COX11: variants seen among roughly 807,000 people sequenced by gnomAD.
COX11 encodes cytochrome c oxidase copper chaperone COX11, also known as cytochrome c oxidase assembly protein COX11, mitochondrial.
In COX11, 18 loss-of-function variants were observed where a neutral mutation model predicts 29.4. The observed-to-expected ratio is 0.61, with a 90% CI of 0.42 to 0.91. COX11 has a LOEUF of 0.91. Among genes scored for constraint, COX11 ranks in the 40% least tolerant of loss-of-function variants. COX11 has a pLI of 0.00. For synonymous variants in COX11, 131 were observed against 124.0 expected, an observed-to-expected ratio of 1.06 and a Z score of -0.38; for missense variants, 312 against 346.0, an observed-to-expected ratio of 0.90 and a Z score of 0.78.
chr17:54,961,386 A>G lies in COX11; in HGVS notation c.*1347T>C. 1.9e-6 allele frequency: 3 copies of G among 1,548,794 alleles called. No homozygotes were observed. The South Asian group carries it at 3.6e-5, about 18-fold the overall frequency. ...TGCTATAATGAAGATTAAATAGAAT[A>G]ACAGTTCCAGGATAACACTGATTCC... On this transcript the variant is annotated 3_prime_UTR_variant, in exon 4 of 4. Coordinates refer to ENST00000299335, the MANE Select transcript of COX11 (RefSeq NM_004375.5).
Position 54,968,328 on chromosome 17 carries a change from G to A in COX11, c.319C>T (p.Leu107=), listed in dbSNP as rs950499638. 1 of 1,612,914 alleles carries A rather than the reference G, an allele frequency of 6.2e-7. No individual in the cohort carries two copies. Among genetic ancestry groups the A allele is most frequent in the Non-Finnish European group, 8.5e-7 (1 of 1,179,896 alleles). Reference sequence around the variant, plus strand: ...GGTACGGCAGCGTAGGACGCCCCCAGCATGCCCACGGCGACAGCGGCCACG... The same window carrying A: ...GGTACGGCAGCGTAGGACGCCCCCAACATGCCCACGGCGACAGCGGCCACG... ...TYVAAVAVGM[L]GASYAAVPLY... The change falls in exon 1 of 4, where the codon CTG becomes TTG. Residue 107 remains leucine, a synonymous_variant. Transcript: ENST00000299335.
downstream of COX11, among the ~76,000 whole-genome samples, chr17:54,956,607 C>T (rs1361839363): frequency 6.6e-6 from 1 of 151,990 alleles, no homozygotes; most frequent in Non-Finnish European, 1.5e-5. Context: ...CCGTGCCTAG[C>T]CTTTTAATTT....
exon 1 of COX11, chr17:54,954,964 T>A (rs1179969991): frequency 6.6e-6 from 1 of 152,192 alleles, no homozygotes; most frequent in African/African-American, 2.4e-5. Flanking sequence ...CAGGCTGTAT[T>A]ACAGTAATAT....
Position 54,968,213 on chromosome 17 carries a change from T to C in COX11, c.366+68A>G, listed in dbSNP as rs963017679. 3.2e-6 allele frequency: 5 copies of C among 1,558,228 alleles called. No homozygotes were observed. In the African/African-American group the frequency reaches 6.9e-5, roughly 22 times the overall value. On this transcript the variant is annotated intron_variant, in intron 1 of 3. Coordinates refer to ENST00000299335, the MANE Select transcript of COX11 (RefSeq NM_004375.5). ...CTACGACCCGCAGAGCGAGGGCTTG[T>C]CCCGGGATTTGTCTTGCACCCCCAC...
chr17:54,961,743 A>T lies in COX11; in HGVS notation c.*990T>A, dbSNP rs183704823. The T allele has an allele frequency of 1.5e-3, 1,539 of 1,016,684 alleles. 2 individuals carry two copies. Among genetic ancestry groups the T allele is most frequent in the Non-Finnish European group, 1.7e-3 (1,407 of 850,076 alleles). 63.0% of individuals were successfully genotyped at this position (1,016,684 alleles called of 1,614,324 possible). ...TCTGGTTTAGAATTATAAATTGTTA[A>T]AACCTTGATAATTGTCATTTAATTA... On this transcript the variant is annotated 3_prime_UTR_variant, in exon 4 of 4. Coordinates refer to ENST00000299335, the MANE Select transcript of COX11 (RefSeq NM_004375.5).
rs761215466 is a variant in COX11, at chr17:54,968,358, T to A, written c.289A>T (p.Thr97Ser). The A allele has an allele frequency of 6.2e-7, 1 of 1,612,890 alleles. No homozygotes were observed. ...CCCACGGCGACAGCGGCCACGTAAG[T>A]GAGGGTCGTCTTGTTCTGCCGCCGC... is the stretch of plus-strand genomic sequence containing the variant. ...ERRRQNKTTLTYVAAVAVGML... is the reference protein window; with the variant it reads ...ERRRQNKTTLSYVAAVAVGML... Residue 97 changes from threonine to serine, a missense_variant, in exon 1 of 4, where the codon ACT becomes TCT. By Grantham distance (58) the Thr-to-Ser change is moderately conservative. Coordinates refer to ENST00000299335, the MANE Select transcript of COX11 (RefSeq NM_004375.5).
At chr17:54,968,011 T>TTTTTTGGC (rs2077291157) in intron 1 of COX11, among the ~76,000 whole-genome samples, 1 of 150,358 alleles carries the variant, frequency 6.7e-6, no homozygotes, top group Admixed American at 6.6e-5. Flanking sequence ...TTTTTTTTTT[T>TTTTTTGGC]GGCGAGGTGC....
Position 54,964,221 on chromosome 17 carries a change from C to T in COX11, c.522+476G>A, listed in dbSNP as rs1255491354. 2.6e-5 allele frequency among the ~76,000 whole-genome samples: 4 copies of T among 152,118 alleles called. No individual in the cohort carries two copies. In the East Asian group the frequency reaches 7.7e-4, roughly 29 times the overall value. On this transcript the variant is annotated intron_variant, in intron 2 of 3. Coordinates refer to ENST00000299335, the MANE Select transcript of COX11 (RefSeq NM_004375.5). ...TAGTCTCAGTCTCACTGGAGTATAA[C>T]ATAACTATTTACTACTTATTGATTA...
At chr17:54,968,713 G>T, upstream of COX11, 1 of 1,527,996 alleles carries the variant, frequency 6.5e-7, no homozygotes. Context: ...GGCGTGCTCC[G>T]TCTCGCGAGA....
downstream of COX11, among the ~76,000 whole-genome samples, chr17:54,956,290 G>A (rs536008138): frequency 6.6e-6 from 1 of 152,002 alleles, no homozygotes; most frequent in Non-Finnish European, 1.5e-5. Flanking sequence ...GACTATTGGG[G>A]TGTGCTACCA....
rs1339142653 is a variant in COX11, at chr17:54,963,399, G to A, written c.555C>T (p.Tyr185=). The change falls in exon 3 of 4, where the codon TAC becomes TAT. Residue 185 remains tyrosine (Y), a synonymous_variant. Coordinates refer to ENST00000299335, the MANE Select transcript of COX11 (RefSeq NM_004375.5). ...GTTTGTCAGTAGGATTCTTAGCTCT[G>A]TAAAACGCCAGTGCAGTCTCTCCTG... is the stretch of plus-strand genomic sequence containing the variant. ...VVPGETALAF[Y]RAKNPTDKPV... is the part of the protein sequence containing the mutation. 1 of 1,611,936 alleles carries A rather than the reference G, an allele frequency of 6.2e-7. No homozygotes were observed. Among genetic ancestry groups the A allele is most frequent in the Admixed American group, 1.7e-5 (1 of 59,882 alleles).
At position 54,967,308 on chromosome 17, in the gene COX11, T is replaced by C. The variant is rs117059677; in HGVS notation, c.366+973A>G. Among the ~76,000 whole-genome samples, 175 of 152,222 alleles carry C rather than the reference T, an allele frequency of 1.1e-3. 3 individuals carry two copies. In the East Asian group the frequency reaches 0.031, roughly 27 times the overall value. On this transcript the variant is annotated intron_variant, in intron 1 of 3. Coordinates refer to ENST00000299335, the MANE Select transcript of COX11 (RefSeq NM_004375.5). Reference sequence around the variant, plus strand: ...GCCACTATCTTAAACACTTACTGAATCACTTGTGGCATGATTTTTAAACCG... The same window carrying C: ...GCCACTATCTTAAACACTTACTGAACCACTTGTGGCATGATTTTTAAACCG...
intron 3 of COX11, 25 bp downstream of exon 3, chr17:54,963,281 C>T (rs962384508): frequency 6.2e-7 from 1 of 1,600,548 alleles, no homozygotes; most frequent in Non-Finnish European, 8.5e-7. Context: ...TTATCATATT[C>T]TGTAAAGTTT....
rs1350020668 is a variant in COX11, at chr17:54,961,256, ACTACCACAT to A, written c.*1468_*1476del. 1.9e-6 allele frequency: 3 copies of A among 1,549,584 alleles called. No individual in the cohort carries two copies. Among genetic ancestry groups the A allele is most frequent in the Non-Finnish European group, 2.6e-6 (3 of 1,145,224 alleles). ...TTAGAAGAAAGTGGATGATCAGCTC[ACTACCACAT>A]CAAAGGTGCCAACTCTCTAAAACGT... On this transcript the variant is annotated 3_prime_UTR_variant, in exon 4 of 4. Transcript: ENST00000299335.
intron 1 of COX11, among the ~76,000 whole-genome samples, chr17:54,966,514 TGTTG>T (rs1172723114): frequency 2.0e-5 from 3 of 152,220 alleles, no homozygotes; most frequent in African/African-American, 4.8e-5. Context: ...GGCAGTGCTT[TGTTG>T]GTTATTTAGT....
Position 54,962,924 on chromosome 17 carries a change from T to G in COX11, c.649-9A>C. The G allele has an allele frequency of 6.3e-7, 1 of 1,599,532 alleles. No individual in the cohort carries two copies. The highest frequency in any genetic ancestry group is 1.7e-4 in the Middle Eastern group (1 of 6,028). Reference sequence around the variant, plus strand: ...TCTTCAAAACAGAAGCACTGGAAATTATAGAAAGATTTTAATAACATTTCT... The same window carrying G: ...TCTTCAAAACAGAAGCACTGGAAATGATAGAAAGATTTTAATAACATTTCT... On this transcript the variant is annotated splice_polypyrimidine_tract_variant and intron_variant, in intron 3 of 3. Transcript: ENST00000299335.
At position 54,963,293 on chromosome 17, in the gene COX11, C is replaced by T; in HGVS notation, c.648+13G>A. The T allele has an allele frequency of 6.2e-7, 1 of 1,606,058 alleles. No homozygotes were observed. The highest frequency in any genetic ancestry group is 8.5e-7 in the Non-Finnish European group (1 of 1,175,508). ...TCTTTATCATATTCTGTAAAGTTTA[C>T]ACTTTGATGTACCTGTATTTTATTG... is the stretch of plus-strand genomic sequence containing the variant. On this transcript the variant is annotated intron_variant, in intron 3 of 3. Transcript: ENST00000299335.
chr17:54,967,996 C>CTTTTTTTTTTTT (rs66732337), intron 1 of COX11, among the ~76,000 whole-genome samples: 1 of 124,516 alleles, frequency 8.0e-6, no homozygotes, highest in African/African-American at 3.0e-5. Flanking sequence ...GGCTGCGGAC[C>CTTTTTTTTTTTT]TTTTTTTTTT....
At chr17:54,958,785 C>G (rs2077028182), downstream of COX11, among the ~76,000 whole-genome samples, 1 of 145,824 alleles carries the variant, frequency 6.9e-6, no homozygotes, top group African/African-American at 2.5e-5. Flanking sequence ...AAGGCATTTA[C>G]TACAAGAAGA....
Sources: allele counts gnomAD v4.1 joint callset (sites outside exome capture counted in the v4.1 genomes callset), GRCh38; gene constraint gnomAD v4.1.1; transcripts MANE v1.5; gene names NCBI Gene and HGNC (gene_info 2026-07-23, HGNC 2026-07-21).